RFWD3: variants seen among roughly 807,000 people sequenced by gnomAD.
The protein encoded by RFWD3 is E3 ubiquitin-protein ligase RFWD3.
In RFWD3, 65 loss-of-function variants were observed where a neutral mutation model predicts 87.7. That is an observed-to-expected ratio of 0.74 (90% CI 0.61 to 0.91). The LOEUF is 0.91. Among genes scored for constraint, RFWD3 ranks in the 40% least tolerant of loss-of-function variants. The pLI is 0.00. For missense variants in RFWD3, 1,078 were observed against 938.5 expected (o/e 1.15, Z -1.94); for synonymous variants, 433 against 352.8 (o/e 1.23, Z -2.55).
chr16:74,665,255 T>G (rs993314685), intron 1 of RFWD3: 3 of 152,314 alleles, frequency 2.0e-5, no homozygotes, highest in Admixed American at 6.5e-5. Flanking sequence ...CAGACCAGCT[T>G]GGGCAACACA....
chr16:74,660,982 A>G lies in RFWD3; in HGVS notation c.468T>C (p.Ser156=), dbSNP rs780623055. 13 of 1,614,082 alleles carry G rather than the reference A, an allele frequency of 8.1e-6. No homozygotes were observed. The highest frequency in any genetic ancestry group is 1.0e-5 in the Non-Finnish European group (12 of 1,180,052). ...CTCCGGCTCTTGCCCTCCGTGAAGC[A>G]GATACCCTCCTTCTTGTTCTCATTG... ...VGPMRTRRRV[S]ASRRARAGGS... Residue 156 remains serine (S), a synonymous_variant, in exon 2 of 13, where the codon TCT becomes TCC. Coordinates refer to ENST00000361070, the MANE Select transcript of RFWD3 (RefSeq NM_018124.4).
At position 74,644,750 on chromosome 16, in the gene RFWD3, G is replaced by A. The variant is rs759052833; in HGVS notation, c.793-15C>T. On this transcript the variant is annotated splice_polypyrimidine_tract_variant and intron_variant, in intron 4 of 12. Transcript: ENST00000361070. Reference sequence around the variant, plus strand: ...TGGGGAGATGGCTAGATGGAAAGCAGAATATATTCAAATTAGAGAAAATGT... The same window carrying A: ...TGGGGAGATGGCTAGATGGAAAGCAAAATATATTCAAATTAGAGAAAATGT... 8.2e-6 allele frequency: 13 copies of A among 1,585,014 alleles called. No homozygotes were observed. Among genetic ancestry groups the A allele is most frequent in the Non-Finnish European group, 6.9e-6 (8 of 1,161,824 alleles).
At chr16:74,651,016 T>C (rs78856184) in intron 3 of RFWD3, among the ~76,000 whole-genome samples, 2,790 of 152,322 alleles carry the variant, frequency 0.018, 37 homozygotes, top group Non-Finnish European at 0.028. Flanking sequence ...AGTAATTAGT[T>C]GGGGTTCTAA....
intron 3 of RFWD3, among the ~76,000 whole-genome samples, chr16:74,650,692 C>G (rs1960493699): frequency 6.6e-6 from 1 of 152,036 alleles, no homozygotes; most frequent in South Asian, 2.1e-4. Context: ...ACCTTCAAGC[C>G]TGGACAACAT....
intron 6 of RFWD3, among the ~76,000 whole-genome samples, chr16:74,640,981 TCTC>T (rs1317787393): frequency 6.6e-6 from 1 of 151,804 alleles, no homozygotes; most frequent in South Asian, 2.1e-4. Flanking sequence ...ATGAGAAATC[TCTC>T]CTTTTTTTTT....
chr16:74,657,766 G>A (rs901855878), intron 2 of RFWD3, among the ~76,000 whole-genome samples: 1 of 152,090 alleles, frequency 6.6e-6, no homozygotes, highest in African/African-American at 2.4e-5. Context: ...GAGCCACTGC[G>A]CCTAGCCAGG....
Position 74,661,369 on chromosome 16 carries a change from G to A in RFWD3, c.81C>T (p.Ala27=). ...AEQQPAPAGM[A]SSQGGPALLQ... is the part of the protein sequence containing the mutation. ...GGAGGGCTGGTCCCCCTTGGCTGCT[G>A]GCCATGCCAGCAGGAGCTGGCTGTT... The change falls in exon 2 of 13, where the codon GCC becomes GCT. Residue 27 remains alanine, a synonymous_variant. Transcript: ENST00000361070. 6.2e-7 allele frequency: 1 copy of A among 1,614,056 alleles called. No individual in the cohort carries two copies.
At chr16:74,660,682 T>C (rs1961355771) in intron 2 of RFWD3, 3 of 422,660 alleles carry the variant, frequency 7.1e-6, no homozygotes, top group Non-Finnish European at 4.2e-6. Context: ...AGACACAATC[T>C]GAACAACAGC....
At position 74,661,360 on chromosome 16, in the gene RFWD3, T is replaced by A; in HGVS notation, c.90A>T (p.Gln30His). The A allele has an allele frequency of 1.9e-6, 3 of 1,614,086 alleles. No individual in the cohort carries two copies. Among genetic ancestry groups the A allele is most frequent in the Non-Finnish European group, 2.5e-6 (3 of 1,180,020 alleles). Residue 30 changes from glutamine (Q) to histidine (H), a missense_variant, in exon 2 of 13, where the codon CAA becomes CAT. Coordinates refer to ENST00000361070, the MANE Select transcript of RFWD3 (RefSeq NM_018124.4). ...QPAPAGMASS[Q>H]GGPALLQPVP... ...CAGGCTGGAGGAGGGCTGGTCCCCC[T>A]TGGCTGCTGGCCATGCCAGCAGGAG...
chr16:74,666,159 C>G lies in RFWD3; in HGVS notation c.-3+627G>C, dbSNP rs1403846696. The stretch of plus-strand genomic sequence containing the variant: ...CTTTTACTACATGGGGAAAGAAAGA[C>G]ATAGATAGATTAGATAGACAGATTA... On this transcript the variant is annotated intron_variant, in intron 1 of 12. Transcript: ENST00000361070. 7 of 150,890 alleles carry G rather than the reference C, an allele frequency of 4.6e-5. No homozygotes were observed. The East Asian group carries it at 1.4e-3, about 29-fold the overall frequency. The allele number at this position is 150,890 out of a possible 1,614,324, so 9.3% of individuals were successfully genotyped here.
At position 74,644,390 on chromosome 16, in the gene RFWD3, C is replaced by G; in HGVS notation, c.1051G>C (p.Asp351His). 1 of 1,614,164 alleles carries G rather than the reference C, an allele frequency of 6.2e-7. No homozygotes were observed. Among genetic ancestry groups the G allele is most frequent in the Non-Finnish European group, 8.5e-7 (1 of 1,180,044 alleles). The change falls in exon 6 of 13, where the codon GAC becomes CAC. Residue 351 changes from aspartate to histidine, a missense_variant. By Grantham distance (81) the Asp-to-His change is moderately conservative (BLOSUM62 -1). Coordinates refer to ENST00000361070, the MANE Select transcript of RFWD3 (RefSeq NM_018124.4). ...TTCATGCGCTCCTGTTCACTAGTGT[C>G]CAAAGCTCTCAGGGTTCGGGCATAA... ...VLYARTLRAL[D>H]TSEQERMKSS...
Position 74,622,180 on chromosome 16 carries a change from C to G in RFWD3, c.*1748G>C, listed in dbSNP as rs1958791027. 1 of 152,156 alleles carries G rather than the reference C, an allele frequency of 6.6e-6. No individual in the cohort carries two copies. Among genetic ancestry groups the G allele is most frequent in the Non-Finnish European group, 1.5e-5 (1 of 68,038 alleles). The allele number at this position is 152,156 out of a possible 1,614,324, so 9.4% of individuals were successfully genotyped here. On this transcript the variant is annotated 3_prime_UTR_variant, in exon 13 of 13. Coordinates refer to ENST00000361070, the MANE Select transcript of RFWD3 (RefSeq NM_018124.4). ...TCCTCTTGGTGGCAATCTGCTGAAGCCAGATGAGTTCTGCTTTTTAATTCC... is the reference window on the plus strand; with the variant it reads ...TCCTCTTGGTGGCAATCTGCTGAAGGCAGATGAGTTCTGCTTTTTAATTCC...
chr16:74,632,603 C>CT lies in RFWD3; in HGVS notation c.1496dup (p.Ile500AspfsTer7), dbSNP rs758102530. On this transcript the variant is annotated frameshift_variant, in exon 9 of 13. Coordinates refer to ENST00000361070, the MANE Select transcript of RFWD3 (RefSeq NM_018124.4). LOFTEE classifies it high-confidence loss of function. Reference sequence around the variant, plus strand: ...AACTGCTAAACGCCAGTCCACGGATCTGTTTGCCATGCATCGGAATGTACT... The same window carrying CT: ...AACTGCTAAACGCCAGTCCACGGATCTTGTTTGCCATGCATCGGAATGTACT... The CT allele has an allele frequency of 3.7e-6, 6 of 1,614,134 alleles. No individual in the cohort carries two copies. Among genetic ancestry groups the CT allele is most frequent in the Non-Finnish European group, 5.1e-6 (6 of 1,180,012 alleles).
At chr16:74,631,086 A>T in intron 9 of RFWD3, 129 bp from the exon 10 acceptor site, 1 of 736,922 alleles carries the variant, frequency 1.4e-6, no homozygotes. Context: ...AACTATCTGG[A>T]TTCCCTATTT....
intron 4 of RFWD3, among the ~76,000 whole-genome samples, chr16:74,646,889 G>A (rs375414530): frequency 1.3e-5 from 2 of 151,498 alleles, no homozygotes; most frequent in African/African-American, 2.4e-5. Context: ...TGGCTAACAC[G>A]GTGAAACCCC....
chr16:74,639,558 A>G (rs1959456330), intron 6 of RFWD3, among the ~76,000 whole-genome samples: 1 of 152,240 alleles, frequency 6.6e-6, no homozygotes, highest in African/African-American at 2.4e-5. Flanking sequence ...GATATTACAT[A>G]ATGTTCATGA....
chr16:74,662,850 A>T (rs1309809110), intron 1 of RFWD3, among the ~76,000 whole-genome samples: 1 of 152,054 alleles, frequency 6.6e-6, no homozygotes, highest in Non-Finnish European at 1.5e-5. Context: ...CAAGAGTGGT[A>T]GCAGTGGAGA....
Position 74,638,074 on chromosome 16 carries a change from G to A in RFWD3, c.1080-104C>T. 4 of 671,238 alleles carry A rather than the reference G, an allele frequency of 6.0e-6. 1 individual carries two copies. The highest frequency in any genetic ancestry group is 1.1e-5 in the Non-Finnish European group (4 of 372,392). 41.6% of individuals were successfully genotyped at this position (671,238 alleles called of 1,614,324 possible). ...CATGCTATGATGCACGTTCTTTGCTGTAAATATGTTATGATAGTGAATAAA... is the reference window on the plus strand; with the variant it reads ...CATGCTATGATGCACGTTCTTTGCTATAAATATGTTATGATAGTGAATAAA... On this transcript the variant is annotated intron_variant, in intron 6 of 12. Coordinates refer to ENST00000361070, the MANE Select transcript of RFWD3 (RefSeq NM_018124.4).
At chr16:74,635,963 G>C (rs1959192954) in intron 8 of RFWD3, among the ~76,000 whole-genome samples, 1 of 152,142 alleles carries the variant, frequency 6.6e-6, no homozygotes, top group Non-Finnish European at 1.5e-5. Flanking sequence ...GAACACTATT[G>C]TAAGTAAATA....
Sources: allele counts gnomAD v4.1 joint callset (sites outside exome capture counted in the v4.1 genomes callset), GRCh38; gene constraint gnomAD v4.1.1; transcripts MANE v1.5; gene names NCBI Gene and HGNC (gene_info 2026-07-23, HGNC 2026-07-21).